Variants in VPS13B observed in about 807,000 individuals in gnomAD.
VPS13B encodes the protein intermembrane lipid transfer protein VPS13B.
In VPS13B, 285 loss-of-function variants were observed where a neutral mutation model predicts 426.4. The ratio of observed to expected loss-of-function variants is 0.67; its 90% CI spans 0.61 to 0.74. The LOEUF (loss-of-function observed/expected upper bound fraction) is 0.74, where lower values mean the gene tolerates loss of function less well. Ranked by LOEUF, VPS13B falls within the 30% of genes least tolerant of loss-of-function variation. VPS13B has a pLI of 0.00. For missense variants in VPS13B, 4,537 were observed against 4,782.6 expected (o/e 0.95, Z 1.51); for synonymous variants, 1,676 against 1,676.4 (o/e 1.00, Z 0.01).
At chr8:99,717,031 G>C in intron 36 of VPS13B, 140 bp from the exon 37 acceptor site, 1 of 776,412 alleles carries the variant, frequency 1.3e-6, no homozygotes, top group East Asian at 2.7e-5. Context: ...TAAACGGCAT[G>C]AAACGGTGGT....
At chr8:99,569,631 C>T (rs1455832752) in intron 31 of VPS13B, among the ~76,000 whole-genome samples, 1 of 152,102 alleles carries the variant, frequency 6.6e-6, no homozygotes, top group Non-Finnish European at 1.5e-5. Context: ...CAAAGGCATA[C>T]CAAAATGTAT....
chr8:99,223,588 T>G (rs1223257907), intron 17 of VPS13B, among the ~76,000 whole-genome samples: 5 of 152,178 alleles, frequency 3.3e-5, no homozygotes, highest in Non-Finnish European at 7.3e-5. Flanking sequence ...GTCTGACCTC[T>G]TAGCCCCTAT....
chr8:99,579,806 T>C (rs1349361243), intron 33 of VPS13B, among the ~76,000 whole-genome samples: 2 of 151,928 alleles, frequency 1.3e-5, no homozygotes, highest in Admixed American at 6.6e-5. Context: ...CAAGCAATTC[T>C]CCTGCCTCAG....
At chr8:99,561,497 T>C (rs185624388) in intron 31 of VPS13B, among the ~76,000 whole-genome samples, 1 of 152,194 alleles carries the variant, frequency 6.6e-6, no homozygotes, top group Non-Finnish European at 1.5e-5. Context: ...GCAAAAATAA[T>C]AATGCATTCA....
intron 5 of VPS13B, among the ~76,000 whole-genome samples, chr8:99,105,515 A>C (rs1364615758): frequency 6.6e-6 from 1 of 151,840 alleles, no homozygotes; most frequent in African/African-American, 2.4e-5. Flanking sequence ...AGTAGCTGGG[A>C]CTCTAGGCGC....
chr8:99,174,394 G>C (rs1812518620), intron 16 of VPS13B, among the ~76,000 whole-genome samples: 1 of 152,116 alleles, frequency 6.6e-6, no homozygotes, highest in Admixed American at 6.5e-5. Context: ...CTGCCATACT[G>C]ATTTTCACAC....
At chr8:99,389,231 G>A (rs376473327) in intron 20 of VPS13B, among the ~76,000 whole-genome samples, 2 of 151,916 alleles carry the variant, frequency 1.3e-5, no homozygotes, top group Non-Finnish European at 2.9e-5. Flanking sequence ...TCAGTACCAC[G>A]AAAATTTATT....
chr8:99,117,142 T>G (rs752629920), intron 7 of VPS13B, among the ~76,000 whole-genome samples: 11 of 152,114 alleles, frequency 7.2e-5, no homozygotes, highest in Non-Finnish European at 1.2e-4. Context: ...GAGAAGGGCA[T>G]TTAAAACTTA....
intron 3 of VPS13B, among the ~76,000 whole-genome samples, chr8:99,047,303 A>G (rs1843286054): frequency 2.6e-5 from 4 of 152,018 alleles, no homozygotes; most frequent in Admixed American, 2.6e-4. Context: ...TAGGTTTTCT[A>G]GTTTGTGCAT....
chr8:99,660,934 G>A (rs1205994947), intron 34 of VPS13B, among the ~76,000 whole-genome samples: 2 of 152,060 alleles, frequency 1.3e-5, no homozygotes, highest in Non-Finnish European at 2.9e-5. Context: ...TAGCCCCTAA[G>A]TAGTACTAAT....
At chr8:99,690,910 CAT>C (rs1468255535) in intron 35 of VPS13B, among the ~76,000 whole-genome samples, 1 of 152,168 alleles carries the variant, frequency 6.6e-6, no homozygotes, top group Non-Finnish European at 1.5e-5. Context: ...TTTGCACACA[CAT>C]ATTCATAGCA....
intron 23 of VPS13B, among the ~76,000 whole-genome samples, chr8:99,463,275 A>G (rs1818930771): frequency 6.6e-6 from 1 of 152,218 alleles, no homozygotes; most frequent in East Asian, 1.9e-4. Context: ...ATCTTAGAGT[A>G]TTATATTTCT....
chr8:99,231,416 T>C (rs1018873835), intron 17 of VPS13B, among the ~76,000 whole-genome samples: 2 of 152,228 alleles, frequency 1.3e-5, no homozygotes, highest in African/African-American at 2.4e-5. Context: ...GTTCATCCTT[T>C]AGTGCAAGAA....
At chr8:99,556,244 G>A (rs1473908297) in intron 30 of VPS13B, among the ~76,000 whole-genome samples, 1 of 152,068 alleles carries the variant, frequency 6.6e-6, no homozygotes, top group South Asian at 2.1e-4. Flanking sequence ...GTAGATTACT[G>A]TAAGTGATAA....
chr8:99,687,363 C>T (rs1319919952), intron 35 of VPS13B, among the ~76,000 whole-genome samples: 1 of 152,102 alleles, frequency 6.6e-6, no homozygotes, highest in Non-Finnish European at 1.5e-5. Context: ...GGATTGCATG[C>T]CCCCCAAGTT....
At chr8:99,403,133 A>AC (rs1262284262) in intron 21 of VPS13B, among the ~76,000 whole-genome samples, 1 of 152,222 alleles carries the variant, frequency 6.6e-6, no homozygotes, top group Non-Finnish European at 1.5e-5. Context: ...CAGAGATTCC[A>AC]CATTATCAGG....
chr8:99,655,963 T>C (rs1320716808), intron 34 of VPS13B, among the ~76,000 whole-genome samples: 1 of 152,118 alleles, frequency 6.6e-6, no homozygotes, highest in Non-Finnish European at 1.5e-5. Flanking sequence ...AATGAAGGGT[T>C]TTTTCTGAAG....
chr8:99,118,773 A>G (rs758024064), intron 7 of VPS13B, among the ~76,000 whole-genome samples: 5 of 152,168 alleles, frequency 3.3e-5, no homozygotes, highest in African/African-American at 4.8e-5. Context: ...TGAATATACT[A>G]TAGTTTATTT....
At chr8:99,084,418 T>G (rs1481649852) in intron 3 of VPS13B, among the ~76,000 whole-genome samples, 2 of 152,198 alleles carry the variant, frequency 1.3e-5, no homozygotes, top group Non-Finnish European at 2.9e-5. Context: ...CTGGATTCTT[T>G]AATTTTTTGA....
Sources: gnomAD v4.1 joint callset for allele counts (sites outside exome capture counted in the v4.1 genomes callset) on GRCh38, gnomAD v4.1.1 for gene constraint, MANE v1.5 for transcripts, NCBI Gene and HGNC (gene_info 2026-07-23, HGNC 2026-07-21) for gene names.